Variants in ZSWIM3 observed in about 807,000 individuals in gnomAD.
ZSWIM3 encodes the protein zinc finger SWIM-type containing 3.
A neutral mutation model predicts 47.5 loss-of-function variants in ZSWIM3; 27 were observed. That is an observed-to-expected ratio of 0.57 (90% confidence interval 0.42 to 0.78). ZSWIM3 has a LOEUF of 0.78. ZSWIM3 is among the 30% of genes least tolerant of loss of function. The pLI, the probability that ZSWIM3 is intolerant of heterozygous loss-of-function variation, is 0.00. For missense variants in ZSWIM3, 689 were observed against 861.3 expected (o/e 0.80, Z 2.50); for synonymous variants, 333 against 333.9 (o/e 1.00, Z 0.03).
intron 1 of ZSWIM3, among the ~76,000 whole-genome samples, chr20:45,862,356 G>A (rs1244874415): frequency 1.3e-5 from 2 of 150,596 alleles, no homozygotes; most frequent in African/African-American, 2.4e-5. Flanking sequence ...CCATGTTTGC[G>A]AGGAAGGTCT....
intron 1 of ZSWIM3, among the ~76,000 whole-genome samples, chr20:45,875,035 C>CTTTTTTTTTTTTTTTTTTTTTTTTTTTTT: frequency 1.1e-5 from 1 of 90,542 alleles, no homozygotes; most frequent in Non-Finnish European, 2.0e-5. Context: ...TTAATTTTAA[C>CTTTTTTTTTTTTTTTTTTTTTTTTTTTTT]TTTTTTTTTT....
intron 1 of ZSWIM3, among the ~76,000 whole-genome samples, chr20:45,872,317 G>A (rs1029414474): frequency 3.9e-5 from 6 of 152,226 alleles, no homozygotes; most frequent in African/African-American, 7.2e-5. Flanking sequence ...TTCCCGCCCT[G>A]GGAGGGGCAG....
chr20:45,864,715 G>C (rs1048076129), intron 1 of ZSWIM3, among the ~76,000 whole-genome samples: 26 of 151,940 alleles, frequency 1.7e-4, no homozygotes, highest in Admixed American at 5.2e-4. Flanking sequence ...ACATAAATTA[G>C]CCAGGCACGG....
At position 45,877,062 on chromosome 20, in the gene ZSWIM3, T is replaced by C. The variant is rs1299428333; in HGVS notation, c.504T>C (p.Pro168=). Residue 168 remains proline (P), a synonymous_variant, in exon 2 of 2, where the codon CCT becomes CCC. Transcript: ENST00000255152. The part of the protein sequence containing the change: ...SSKPEQEGIT[P]SDLAKIAKVM... ...AGCCAGAGCAGGAAGGCATCACTCC[T>C]TCTGACCTGGCCAAGATAGCAAAAG... 1 of 1,614,092 alleles carries C rather than the reference T, an allele frequency of 6.2e-7. No individual in the cohort carries two copies. The highest frequency in any genetic ancestry group is 8.5e-7 in the Non-Finnish European group (1 of 1,180,040).
Position 45,857,950 on chromosome 20 carries a change from A to G in ZSWIM3, c.125A>G (p.Asn42Ser), listed in dbSNP as rs749980680. 1 of 1,328,764 alleles carries G rather than the reference A, an allele frequency of 7.5e-7. No individual in the cohort carries two copies. The highest frequency in any genetic ancestry group is 1.2e-5 in the South Asian group (1 of 86,902). The allele number at this position is 1,328,764 out of a possible 1,614,324, so 82.3% of individuals were successfully genotyped here. A position where few individuals can be genotyped will look rare whatever the true frequency, so the allele number is the denominator to read the frequency against. The change falls in exon 1 of 2, where the codon AAC (asparagine) becomes AGC (serine). Residue 42 changes from asparagine to serine, a missense_variant. Coordinates refer to ENST00000255152, the MANE Select transcript of ZSWIM3 (RefSeq NM_080752.4). The stretch of plus-strand genomic sequence containing the variant: ...GTCTCCGTCCGCTTCCACAACCTCA[A>G]CCATGGCACCTCCATCCGCGAAGAC... ...DCVSVRFHNL[N>S]HGTSIREDIL...
intron 1 of ZSWIM3, among the ~76,000 whole-genome samples, chr20:45,859,649 T>C (rs555652082): frequency 2.6e-4 from 40 of 151,938 alleles, no homozygotes; most frequent in African/African-American, 9.4e-4. Flanking sequence ...TGAAAGAAGG[T>C]TGGCATGTTA....
At position 45,877,982 on chromosome 20, in the gene ZSWIM3, A is replaced by G; in HGVS notation, c.1424A>G (p.Asp475Gly). 1.2e-6 allele frequency: 2 copies of G among 1,614,168 alleles called. No individual in the cohort carries two copies. The highest frequency in any genetic ancestry group is 4.5e-5 in the East Asian group (2 of 44,890). The change falls in exon 2 of 2, where the codon GAC becomes GGC. Residue 475 changes from aspartate (D) to glycine (G), a missense_variant. Coordinates refer to ENST00000255152, the MANE Select transcript of ZSWIM3 (RefSeq NM_080752.4). ...TSLPAEETKP[D>G]AQQVQVQQQS... Reference sequence around the variant, plus strand: ...CTCCCTGCAGAAGAGACCAAGCCAGACGCACAGCAGGTACAGGTACAGCAG... The same window carrying G: ...CTCCCTGCAGAAGAGACCAAGCCAGGCGCACAGCAGGTACAGGTACAGCAG...
chr20:45,877,207 T>C lies in ZSWIM3; in HGVS notation c.649T>C (p.Phe217Leu). 6.2e-7 allele frequency: 1 copy of C among 1,614,062 alleles called. No homozygotes were observed. The highest frequency in any genetic ancestry group is 8.5e-7 in the Non-Finnish European group (1 of 1,180,014). ...SSKMTDLFIR[F>L]PENLLLHRVE... The stretch of plus-strand genomic sequence containing the variant: ...TAAGATGACCGACCTGTTCATCCGC[T>C]TCCCAGAGAATCTCTTGCTACACCG... The change falls in exon 2 of 2, where the codon TTC becomes CTC. Residue 217 changes from phenylalanine (F) to leucine (L), a missense_variant. By Grantham distance (22) the Phe-to-Leu change is conservative (BLOSUM62 0). Coordinates refer to ENST00000255152, the MANE Select transcript of ZSWIM3 (RefSeq NM_080752.4).
rs2145794360 is a variant in ZSWIM3 at position 45,878,213 on chromosome 20, C to A, written c.1655C>A (p.Ser552Tyr). 5 of 1,614,204 alleles carry A rather than the reference C, an allele frequency of 3.1e-6. No individual in the cohort carries two copies. The highest frequency in any genetic ancestry group is 1.3e-5 in the African/African-American group (1 of 75,058). The stretch of plus-strand genomic sequence containing the variant: ...AAAGATGGCTGTAGCTGCAGCTGTT[C>A]CTTTCAACAATGGTACCACCTGCCA... ...VSKDGCSCSCSFQQWYHLPCR... is the reference protein window; with the variant it reads ...VSKDGCSCSCYFQQWYHLPCR... The change falls in exon 2 of 2, where the codon TCC becomes TAC. Residue 552 changes from serine to tyrosine, a missense_variant. Transcript: ENST00000255152.
At chr20:45,871,542 T>G (rs923781531) in intron 1 of ZSWIM3, among the ~76,000 whole-genome samples, 2 of 152,196 alleles carry the variant, frequency 1.3e-5, no homozygotes, top group African/African-American at 4.8e-5. Flanking sequence ...TGACTATAAC[T>G]TTGGACAAGT....
intron 1 of ZSWIM3, among the ~76,000 whole-genome samples, chr20:45,862,541 G>C (rs1026728026): frequency 1.3e-5 from 2 of 151,702 alleles, no homozygotes; most frequent in East Asian, 3.9e-4. Context: ...ACCCAGGCTG[G>C]AGTGCAGTGG....
rs774964970 is a variant in ZSWIM3 at position 45,857,992 on chromosome 20, C to T, written c.155+12C>T. 8.2e-5 allele frequency: 2 copies of T among 24,474 alleles called. No homozygotes were observed. The highest frequency in any genetic ancestry group is 1.3e-4 in the Non-Finnish European group (2 of 15,138). 1.5% of individuals were successfully genotyped at this position (24,474 alleles called of 1,614,324 possible). Reference sequence around the variant, plus strand: ...CGCGAAGACATCCTGTAAGGGCGGGCGGGGCGGGGCGGGCCAAGAGGGTGG... The same window carrying T: ...CGCGAAGACATCCTGTAAGGGCGGGTGGGGCGGGGCGGGCCAAGAGGGTGG... On this transcript the variant is annotated intron_variant, in intron 1 of 1. Coordinates refer to ENST00000255152, the MANE Select transcript of ZSWIM3 (RefSeq NM_080752.4).
rs756524032 is a variant in ZSWIM3, at chr20:45,878,385, G to A, written c.1827G>A (p.Gln609=). The A allele has an allele frequency of 4.3e-6, 7 of 1,614,128 alleles. No individual in the cohort carries two copies. Among genetic ancestry groups the A allele is most frequent in the Non-Finnish European group, 5.9e-6 (7 of 1,180,056 alleles). The change falls in exon 2 of 2, where the codon CAG becomes CAA. Residue 609 remains glutamine (Q), a synonymous_variant. Transcript: ENST00000255152. ...QDRGMVPNTG[Q]PEKQGRNDMI... ...GTGGTATGGTCCCAAACACAGGCCAGCCTGAGAAGCAAGGACGGAACGACA... is the reference window on the plus strand; with the variant it reads ...GTGGTATGGTCCCAAACACAGGCCAACCTGAGAAGCAAGGACGGAACGACA...
At chr20:45,861,437 A>C (rs1985705989) in intron 1 of ZSWIM3, among the ~76,000 whole-genome samples, 1 of 152,120 alleles carries the variant, frequency 6.6e-6, no homozygotes, top group Non-Finnish European at 1.5e-5. Context: ...AAAAAAAAAA[A>C]AAAAAGCAAG....
chr20:45,873,478 C>G (rs751791810), intron 1 of ZSWIM3, among the ~76,000 whole-genome samples: 2 of 151,996 alleles, frequency 1.3e-5, no homozygotes, highest in Non-Finnish European at 2.9e-5. Context: ...AGTCCTGACA[C>G]TTGAGGACAT....
Position 45,877,953 on chromosome 20 carries a change from C to T in ZSWIM3, c.1395C>T (p.Thr465=). ...KAFGICGESL[T]SLPAEETKPD... is the part of the protein sequence containing the mutation. ...TTGGAATCTGTGGAGAGAGCCTTAC[C>T]AGCCTCCCTGCAGAAGAGACCAAGC... The change falls in exon 2 of 2, where the codon ACC becomes ACT. Residue 465 remains threonine, a synonymous_variant. Coordinates refer to ENST00000255152, the MANE Select transcript of ZSWIM3 (RefSeq NM_080752.4). 4 of 1,614,150 alleles carry T rather than the reference C, an allele frequency of 2.5e-6. No homozygotes were observed. The highest frequency in any genetic ancestry group is 3.4e-6 in the Non-Finnish European group (4 of 1,180,040).
At position 45,876,806 on chromosome 20, in the gene ZSWIM3, G is replaced by C. The variant is rs1986105635; in HGVS notation, c.248G>C (p.Arg83Thr). ...ADMCPAYLLL[R>T]YNERLDRLFI... ...ATGTGCCCAGCGTACTTGCTCCTAAGGTACAACGAGAGACTAGATAGACTA... is the reference window on the plus strand; with the variant it reads ...ATGTGCCCAGCGTACTTGCTCCTAACGTACAACGAGAGACTAGATAGACTA... Residue 83 changes from arginine to threonine, a missense_variant, in exon 2 of 2, where the codon AGG becomes ACG. Transcript: ENST00000255152. 1.9e-6 allele frequency: 3 copies of C among 1,614,138 alleles called. No homozygotes were observed. Among genetic ancestry groups the C allele is most frequent in the Non-Finnish European group, 2.5e-6 (3 of 1,180,040 alleles).
chr20:45,873,044 G>A (rs747385822), intron 1 of ZSWIM3, among the ~76,000 whole-genome samples: 1 of 152,124 alleles, frequency 6.6e-6, no homozygotes, highest in Admixed American at 6.5e-5. Context: ...CCCTGAGGAG[G>A]GAGGGGTGTG....
chr20:45,857,984 AGGGCGGGCGGGGCG>A lies in ZSWIM3; in HGVS notation c.155+13_155+26del. ...CCTCCATCCGCGAAGACATCCTGTA[AGGGCGGGCGGGGCG>A]GGGCGGGCCAAGAGGGTGGGGAGGA... is the stretch of plus-strand genomic sequence containing the variant. On this transcript the variant is annotated splice_donor_5th_base_variant and intron_variant, in intron 1 of 1. Coordinates refer to ENST00000255152, the MANE Select transcript of ZSWIM3 (RefSeq NM_080752.4). The A allele has an allele frequency of 8.7e-6, 1 of 114,620 alleles. No individual in the cohort carries two copies. Among genetic ancestry groups the A allele is most frequent in the Non-Finnish European group, 1.8e-5 (1 of 57,142 alleles). The allele number at this position is 114,620 out of a possible 1,614,324, so 7.1% of individuals were successfully genotyped here.
Sources: allele counts gnomAD v4.1 joint callset (sites outside exome capture counted in the v4.1 genomes callset), GRCh38; gene constraint gnomAD v4.1.1; transcripts MANE v1.5; gene names NCBI Gene and HGNC (gene_info 2026-07-23, HGNC 2026-07-21).